The following RNASEH2B variants were observed in gnomAD, a reference collection of about 807,000 sequenced individuals.
The protein encoded by RNASEH2B is Aicardi-Goutieres syndrome 2 protein.
In RNASEH2B, 36 loss-of-function variants were observed where a neutral mutation model predicts 45.0. The observed-to-expected ratio is 0.80, with a 90% CI of 0.61 to 1.06. RNASEH2B has a LOEUF of 1.06. RNASEH2B is among the 50% of genes least tolerant of loss of function. RNASEH2B has a pLI of 0.00. For missense variants in RNASEH2B, 361 were observed against 360.3 expected (o/e 1.00, Z -0.02); for synonymous variants, 119 against 125.7 (o/e 0.95, Z 0.35).
chr13:50,960,283 G>GTAC, downstream of RNASEH2B: 1 of 379,844 alleles, frequency 2.6e-6, no homozygotes, highest in Non-Finnish European at 4.5e-6. Flanking sequence ...AATATAGTAT[G>GTAC]TAATTTAGTT....
At chr13:50,969,527 A>G (rs1184290121) in intron 9 of RNASEH2B, among the ~76,000 whole-genome samples, 1 of 150,734 alleles carries the variant, frequency 6.6e-6, no homozygotes, top group Non-Finnish European at 1.5e-5. Context: ...CTCTACAAAA[A>G]AAAAAAAAAA....
intron 5 of RNASEH2B, 45 bp from the exon 6 acceptor site, chr13:50,943,276 A>ATT: frequency 2.9e-6 from 3 of 1,040,116 alleles, no homozygotes; most frequent in Non-Finnish European, 4.4e-6. Context: ...TTAGGAGTTT[A>ATT]TTTTTTTTTT....
At chr13:50,922,989 T>G (rs1020957430) in intron 1 of RNASEH2B, among the ~76,000 whole-genome samples, 2 of 152,166 alleles carry the variant, frequency 1.3e-5, no homozygotes, top group Non-Finnish European at 2.9e-5. Flanking sequence ...ATAGAGAAAT[T>G]GTAAAAGGAT....
chr13:50,958,053 G>A (rs890441556), downstream of RNASEH2B, among the ~76,000 whole-genome samples: 3 of 152,114 alleles, frequency 2.0e-5, no homozygotes, highest in African/African-American at 7.2e-5. Flanking sequence ...TGTTTACTCT[G>A]TTGATACTTT....
At chr13:50,934,344 T>G (rs1208487474) in intron 4 of RNASEH2B, 1 of 155,792 alleles carries the variant, frequency 6.4e-6, no homozygotes, top group African/African-American at 2.4e-5. Context: ...TCTTTTCTTT[T>G]ATTCTGGTCT....
intron 2 of RNASEH2B, among the ~76,000 whole-genome samples, chr13:50,929,249 C>T (rs996972461): frequency 6.6e-6 from 1 of 152,144 alleles, no homozygotes; most frequent in Admixed American, 6.5e-5. Flanking sequence ...CTTGCACTTT[C>T]TAATTTTTTG....
chr13:50,927,596 G>A (rs779832336), intron 2 of RNASEH2B, 118 bp downstream of exon 2: 19 of 723,530 alleles, frequency 2.6e-5, no homozygotes, highest in Admixed American at 7.7e-5. Flanking sequence ...AGATGGCACC[G>A]TGAGGAGAAG....
Position 50,943,393 on chromosome 13 carries a change from A to T in RNASEH2B, c.509A>T (p.Lys170Met). The change falls in exon 6 of 11, where the codon AAG becomes ATG. Residue 170 changes from lysine to methionine, a missense_variant and splice_region_variant. Transcript: ENST00000336617. ...AAGACATTAAAGTGGCTGGAAAAAA[A>T]GGTATAGTTCCTCTCTAGTGCCTTG... ...KEKTLKWLEK[K>M]VNQTVAALKT... The T allele has an allele frequency of 6.3e-7, 1 of 1,594,200 alleles. No homozygotes were observed. Among genetic ancestry groups the T allele is most frequent in the African/African-American group, 1.3e-5 (1 of 74,690 alleles).
chr13:50,916,303 T>A (rs1238543114), intron 1 of RNASEH2B, among the ~76,000 whole-genome samples: 1 of 152,158 alleles, frequency 6.6e-6, no homozygotes, highest in Non-Finnish European at 1.5e-5. Flanking sequence ...TCAGGGAGAT[T>A]GGGGTTACAT....
chr13:50,962,279 G>A (rs964153099), intron 9 of RNASEH2B, among the ~76,000 whole-genome samples: 11 of 152,156 alleles, frequency 7.2e-5, no homozygotes, highest in Non-Finnish European at 1.2e-4. Flanking sequence ...TGTGAGGTTG[G>A]TGTTGTTGCT....
downstream of RNASEH2B, chr13:50,960,064 C>T: frequency 3.8e-6 from 2 of 523,860 alleles, no homozygotes; most frequent in Non-Finnish European, 5.8e-6. Context: ...GGTTCTTCAT[C>T]TTCAATAGGT....
At chr13:50,950,265 T>C (rs2138007744) in intron 9 of RNASEH2B, 1 of 152,318 alleles carries the variant, frequency 6.6e-6, no homozygotes, top group Admixed American at 6.5e-5. Flanking sequence ...AATGGACATA[T>C]TGTGGATGTT....
intron 5 of RNASEH2B, chr13:50,941,139 T>C (rs980679082): frequency 1.3e-5 from 2 of 152,264 alleles, no homozygotes; most frequent in Non-Finnish European, 2.9e-5. Context: ...TATGTTTTAT[T>C]AACAAATCAT....
chr13:50,912,547 G>C (rs1234722272), intron 1 of RNASEH2B: 2 of 152,258 alleles, frequency 1.3e-5, no homozygotes, highest in African/African-American at 2.4e-5. Context: ...TGTAAGTGCA[G>C]AGTGTGAGGC....
chr13:50,932,578 C>T (rs1273966904), intron 4 of RNASEH2B, among the ~76,000 whole-genome samples: 2 of 152,182 alleles, frequency 1.3e-5, no homozygotes, highest in African/African-American at 4.8e-5. Context: ...GTGCAGATGT[C>T]CACACAGTGA....
At position 50,948,079 on chromosome 13, in the gene RNASEH2B, A is replaced by T; in HGVS notation, c.698+11A>T. The T allele has an allele frequency of 6.2e-7, 1 of 1,610,202 alleles. No homozygotes were observed. The highest frequency in any genetic ancestry group is 8.5e-7 in the Non-Finnish European group (1 of 1,178,968). The stretch of plus-strand genomic sequence containing the variant: ...ATCTAAATACTTAAAGTGAGTATTG[A>T]TTATCTTCAGTCATAATGAAGTACC... On this transcript the variant is annotated intron_variant, in intron 8 of 10. Transcript: ENST00000336617.
chr13:50,944,898 C>G (rs1290248103), intron 6 of RNASEH2B, among the ~76,000 whole-genome samples: 3 of 152,064 alleles, frequency 2.0e-5, no homozygotes, highest in African/African-American at 4.8e-5. Flanking sequence ...ACATGAATAG[C>G]GAAGAGGAGT....
downstream of RNASEH2B, chr13:50,960,084 A>G: frequency 1.5e-6 from 1 of 657,844 alleles, no homozygotes; most frequent in Non-Finnish European, 2.2e-6. Context: ...TTCTAGACAT[A>G]TCTTTGTATG....
chr13:50,961,723 G>T (rs1033284606), downstream of RNASEH2B, among the ~76,000 whole-genome samples: 4 of 152,052 alleles, frequency 2.6e-5, no homozygotes, highest in Admixed American at 6.5e-5. Flanking sequence ...GGAAATGTGT[G>T]TGTGTGTACA....
Sources: allele counts gnomAD v4.1 joint callset (sites outside exome capture counted in the v4.1 genomes callset), GRCh38; gene constraint gnomAD v4.1.1; transcripts MANE v1.5; gene names NCBI Gene and HGNC (gene_info 2026-07-23, HGNC 2026-07-21).